The following SMYD3 variants were observed in gnomAD, a reference collection of about 807,000 sequenced individuals.
SMYD3 encodes the protein histone-lysine N-methyltransferase SMYD3.
SMYD3 carries 36 observed loss-of-function variants against 57.7 expected under a neutral mutation model. The ratio of observed to expected loss-of-function variants is 0.62; its 90% CI spans 0.48 to 0.82. The LOEUF (loss-of-function observed/expected upper bound fraction) is 0.82. Ranked by LOEUF, SMYD3 falls within the 40% of genes least tolerant of loss-of-function variation. The pLI is 0.00. For missense variants in SMYD3, 515 were observed against 538.8 expected, an observed-to-expected ratio of 0.96 and a Z score of 0.44; for synonymous variants, 211 against 195.0, an observed-to-expected ratio of 1.08 and a Z score of -0.68.
chr1:246,111,246 C>G (rs2061234682), intron 5 of SMYD3: 1 of 152,156 alleles, frequency 6.6e-6, no homozygotes, highest in Admixed American at 6.5e-5. Context: ...CAGTGATGCT[C>G]TCCAAGGGAT....
intron 8 of SMYD3, 22 bp from the exon 9 acceptor site, chr1:245,863,908 G>C: frequency 1.9e-6 from 3 of 1,609,620 alleles, no homozygotes; most frequent in Non-Finnish European, 2.6e-6. Flanking sequence ...AGAAAAGGAA[G>C]ACAAATAATC....
intron 8 of SMYD3, among the ~76,000 whole-genome samples, chr1:245,868,507 A>T (rs1337365919): frequency 6.6e-6 from 1 of 152,192 alleles, no homozygotes; most frequent in East Asian, 1.9e-4. Context: ...GTGAGACCGC[A>T]GCCCAGGGCA....
intron 5 of SMYD3, among the ~76,000 whole-genome samples, chr1:246,168,415 C>A (rs1194294252): frequency 1.3e-5 from 2 of 152,102 alleles, no homozygotes; most frequent in Non-Finnish European, 2.9e-5. Context: ...ATGAAAAGCA[C>A]TGTGCAAAAT....
chr1:246,492,116 T>G (rs1309276835), intron 1 of SMYD3, among the ~76,000 whole-genome samples: 2 of 152,214 alleles, frequency 1.3e-5, no homozygotes, highest in African/African-American at 4.8e-5. Flanking sequence ...CTTGAGTGGA[T>G]AGCATCCAAC....
At chr1:246,296,500 G>A (rs966542225) in intron 5 of SMYD3, among the ~76,000 whole-genome samples, 2 of 152,118 alleles carry the variant, frequency 1.3e-5, no homozygotes, top group East Asian at 3.9e-4. Flanking sequence ...AGTTAATGCA[G>A]ATTTATATAT....
At chr1:246,205,930 A>T (rs1021604074) in intron 5 of SMYD3, among the ~76,000 whole-genome samples, 4 of 152,160 alleles carry the variant, frequency 2.6e-5, no homozygotes, top group Admixed American at 2.6e-4. Flanking sequence ...TAAAGTGGGG[A>T]TCACAATATT....
At chr1:245,887,353 C>CGTTTA (rs2053142790) in intron 8 of SMYD3, among the ~76,000 whole-genome samples, 1 of 152,086 alleles carries the variant, frequency 6.6e-6, no homozygotes, top group Non-Finnish European at 1.5e-5. Flanking sequence ...ATCCACCCCT[C>CGTTTA]GTTTAGCATA....
intron 1 of SMYD3, among the ~76,000 whole-genome samples, chr1:246,369,181 T>C (rs1319275466): frequency 6.6e-6 from 1 of 152,210 alleles, no homozygotes; most frequent in East Asian, 1.9e-4. Context: ...CGGTAACTAT[T>C]ACTCATTATC....
At chr1:245,780,428 C>T (rs1441057939) in intron 10 of SMYD3, among the ~76,000 whole-genome samples, 2 of 151,998 alleles carry the variant, frequency 1.3e-5, no homozygotes, top group African/African-American at 4.8e-5. Flanking sequence ...CACACAAGGC[C>T]ACAAATTATA....
chr1:246,370,825 C>G (rs1012253366), intron 1 of SMYD3, among the ~76,000 whole-genome samples: 2 of 152,152 alleles, frequency 1.3e-5, no homozygotes, highest in African/African-American at 4.8e-5. Context: ...CTTTTTGAAA[C>G]CCACATGTAG....
chr1:246,239,160 C>T (rs1249186122), intron 5 of SMYD3, among the ~76,000 whole-genome samples: 1 of 152,110 alleles, frequency 6.6e-6, no homozygotes, highest in Non-Finnish European at 1.5e-5. Context: ...AGGTTTGTTA[C>T]ATATGTATAC....
chr1:246,255,774 T>C (rs1289788234), intron 5 of SMYD3, among the ~76,000 whole-genome samples: 2 of 22,826 alleles, frequency 8.8e-5, no homozygotes, highest in Non-Finnish European at 1.7e-4. Context: ...TCTGGGGCAT[T>C]TTTTTTTTTT....
At chr1:245,815,048 G>C (rs2048724211) in intron 10 of SMYD3, among the ~76,000 whole-genome samples, 1 of 152,192 alleles carries the variant, frequency 6.6e-6, no homozygotes, top group African/African-American at 2.4e-5. Flanking sequence ...AGCCAGAGCA[G>C]GACAATGGTC....
At chr1:245,901,651 C>CA (rs35213546) in intron 8 of SMYD3, among the ~76,000 whole-genome samples, 147,798 of 152,212 alleles carry the variant, frequency 0.97, 71,913 homozygotes, top group Middle Eastern at 1. Flanking sequence ...TCTCCTCCAC[C>CA]AAAAAGAAGG....
chr1:246,258,213 T>C (rs12124946), intron 5 of SMYD3, among the ~76,000 whole-genome samples: 31,449 of 151,810 alleles, frequency 0.21, 3,955 homozygotes, highest in East Asian at 0.58. Context: ...ATTTTTGTAT[T>C]TTTAGTAGAG....
chr1:246,000,739 A>C (rs1468567568), intron 5 of SMYD3, among the ~76,000 whole-genome samples: 2 of 152,240 alleles, frequency 1.3e-5, no homozygotes. Flanking sequence ...AAGGCCTACA[A>C]GCCTTACACT....
At chr1:245,857,645 G>A (rs112196109) in intron 10 of SMYD3, among the ~76,000 whole-genome samples, 5 of 152,242 alleles carry the variant, frequency 3.3e-5, no homozygotes, top group African/African-American at 9.6e-5. Flanking sequence ...AGGTGCTTTC[G>A]AGGTACCTTC....
intron 1 of SMYD3, among the ~76,000 whole-genome samples, chr1:246,457,649 T>C (rs964471496): frequency 6.6e-6 from 1 of 151,522 alleles, no homozygotes. Flanking sequence ...CTGTAACCAA[T>C]ACCTCCAACC....
chr1:245,903,404 G>T (rs2148620308), intron 8 of SMYD3, among the ~76,000 whole-genome samples: 1 of 152,270 alleles, frequency 6.6e-6, no homozygotes, highest in Non-Finnish European at 1.5e-5. Flanking sequence ...ATAAAAGTCA[G>T]AGAAAACAGG....
Sources: gnomAD v4.1 joint callset for allele counts (sites outside exome capture counted in the v4.1 genomes callset) on GRCh38, gnomAD v4.1.1 for gene constraint, MANE v1.5 for transcripts, NCBI Gene and HGNC (gene_info 2026-07-23, HGNC 2026-07-21) for gene names.